Variants in TMCC1 observed in about 807,000 individuals in gnomAD.
TMCC1 encodes the protein transmembrane and coiled-coil domains protein 1.
TMCC1 carries 15 observed loss-of-function variants against 52.4 expected under a neutral mutation model. The observed-to-expected ratio is 0.29, with a 90% CI of 0.19 to 0.44. TMCC1 has a LOEUF of 0.44. Ranked by LOEUF, TMCC1 falls within the 20% of genes least tolerant of loss-of-function variation. TMCC1 has a pLI of 1.00. For synonymous variants in TMCC1, 279 were observed against 301.9 expected (o/e 0.92, Z 0.79); for missense variants, 503 against 806.0 (o/e 0.62, Z 4.55).
At chr3:129,768,283 G>A (rs998575387) in intron 4 of TMCC1, among the ~76,000 whole-genome samples, 4 of 152,148 alleles carry the variant, frequency 2.6e-5, no homozygotes, top group South Asian at 2.1e-4. Flanking sequence ...CCTCACAATC[G>A]AGTATGAAGA....
At chr3:129,864,159 T>C (rs1398501080) in intron 2 of TMCC1, among the ~76,000 whole-genome samples, 2 of 152,190 alleles carry the variant, frequency 1.3e-5, no homozygotes, top group East Asian at 1.9e-4. Flanking sequence ...TCCACATATC[T>C]GTAGAGAGAA....
At chr3:129,759,785 C>G (rs1220894564) in intron 4 of TMCC1, among the ~76,000 whole-genome samples, 5 of 135,296 alleles carry the variant, frequency 3.7e-5, no homozygotes, top group South Asian at 2.4e-4. Flanking sequence ...GCAGTGGCGC[C>G]ATCTCGGCTC....
At chr3:129,870,042 G>A (rs1292319134) in intron 2 of TMCC1, among the ~76,000 whole-genome samples, 1 of 152,150 alleles carries the variant, frequency 6.6e-6, no homozygotes, top group Non-Finnish European at 1.5e-5. Context: ...ATCATGTAGT[G>A]TAAAATTATA....
intron 4 of TMCC1, among the ~76,000 whole-genome samples, chr3:129,722,562 G>T (rs949742927): frequency 1.2e-4 from 19 of 152,054 alleles, no homozygotes; most frequent in Admixed American, 3.9e-4. Context: ...AATGCAATCA[G>T]CAAATAAAAT....
intron 4 of TMCC1, among the ~76,000 whole-genome samples, chr3:129,770,463 A>T (rs934053703): frequency 1.3e-5 from 2 of 152,078 alleles, no homozygotes; most frequent in Non-Finnish European, 2.9e-5. Flanking sequence ...TTGCAGTCCC[A>T]GTTACTCAGG....
chr3:129,841,565 A>T (rs1008129736), intron 2 of TMCC1, among the ~76,000 whole-genome samples: 2 of 152,240 alleles, frequency 1.3e-5, no homozygotes, highest in Admixed American at 6.5e-5. Flanking sequence ...CCTGGGCAAC[A>T]GAGTGAGACT....
rs372802555 is a variant in TMCC1, at chr3:129,827,810, G to A, written c.569C>T (p.Ala190Val). 1.2e-5 allele frequency: 19 copies of A among 1,611,996 alleles called. No individual in the cohort carries two copies. The African/African-American group carries it at 1.3e-4, about 11-fold the overall frequency. ...AAAATCTTACAAACTTACCCGCTCC[G>A]CAGTTCCCTCCTCTCCTGGTAGACA... ...AACLPGEEGTAERIERLEVSS... is the reference protein window; with the variant it reads ...AACLPGEEGTVERIERLEVSS... Residue 190 changes from alanine (A) to valine (V), a missense_variant, in exon 4 of 7, where the codon GCG becomes GTG. Around this residue, in one of 7 missense-constraint regions of TMCC1, gnomAD observed 217 missense variants for 297.9 expected, o/e 0.73. Coordinates refer to ENST00000393238, the MANE Select transcript of TMCC1 (RefSeq NM_001017395.5).
chr3:129,700,868 C>T (rs1162527202), intron 4 of TMCC1, among the ~76,000 whole-genome samples: 2 of 152,190 alleles, frequency 1.3e-5, no homozygotes, highest in African/African-American at 4.8e-5. Context: ...TATACCCTCC[C>T]CCATTATTCG....
At chr3:129,683,259 T>C (rs2089151691) in intron 4 of TMCC1, among the ~76,000 whole-genome samples, 1 of 152,262 alleles carries the variant, frequency 6.6e-6, no homozygotes, top group Non-Finnish European at 1.5e-5. Flanking sequence ...CTTTTTTCCA[T>C]TCTACCTTGT....
Position 129,893,661 on chromosome 3 carries a change from A to ACCGCCG in TMCC1, c.-608_-603dup, listed in dbSNP as rs965602692. On this transcript the variant is annotated 5_prime_UTR_variant, in exon 1 of 7. Coordinates refer to ENST00000393238, the MANE Select transcript of TMCC1 (RefSeq NM_001017395.5). ...AGCCGCCGCCGCCTCAGTCACCGCC[A>ACCGCCG]CCGCCGCCGCCGCCTCAGCCCCGGC... The ACCGCCG allele has an allele frequency of 1.6e-5, 2 of 123,492 alleles. No individual in the cohort carries two copies. Among genetic ancestry groups the ACCGCCG allele is most frequent in the Admixed American group, 7.7e-5 (1 of 13,008 alleles). The allele number at this position is 123,492 out of a possible 1,614,324, so 7.6% of individuals were successfully genotyped here.
chr3:129,827,836 T>TGCAGCAGCAGCA lies in TMCC1; in HGVS notation c.531_542dup (p.Ala178_Ala181dup), dbSNP rs759420997. ...CAGTTCCCTCCTCTCCTGGTAGACA[T>TGCAGCAGCAGCA]GCAGCAGCAGCAGCAGCAGCAGCAC... On this transcript the variant is annotated inframe_insertion, in exon 4 of 7. Transcript: ENST00000393238. 6.3e-7 allele frequency: 1 copy of TGCAGCAGCAGCA among 1,582,110 alleles called. No homozygotes were observed. The highest frequency in any genetic ancestry group is 1.4e-5 in the African/African-American group (1 of 73,560).
At chr3:129,799,325 C>T (rs1003257832) in intron 4 of TMCC1, among the ~76,000 whole-genome samples, 32 of 152,054 alleles carry the variant, frequency 2.1e-4, no homozygotes, top group African/African-American at 7.0e-4. Flanking sequence ...GAAGAAAGGA[C>T]GGTAAGAAGG....
In TMCC1 at chr3:129,854,680, T is replaced by C. The variant is rs191835261; in HGVS notation, c.-183-21854A>G. The stretch of plus-strand genomic sequence containing the variant: ...TATTTCTTCTGTCTGGACAACCATC[T>C]CCCATCTATCCTTTCTTTGCCAAGT... On this transcript the variant is annotated intron_variant, in intron 2 of 6. Transcript: ENST00000393238. 2.7e-4 allele frequency among the ~76,000 whole-genome samples: 41 copies of C among 152,232 alleles called. No individual in the cohort carries two copies. The East Asian group carries it at 7.5e-3, about 28-fold the overall frequency.
chr3:129,651,317 TATTGCA>T lies in TMCC1; in HGVS notation c.*158_*163del, dbSNP rs1553801865. ...TTCTTGGATAAAATCTAAAAAATAC[TATTGCA>T]ATTGCGTCTCTTGAAGAAAAAAACA... On this transcript the variant is annotated 3_prime_UTR_variant, in exon 7 of 7. Transcript: ENST00000393238. This position sits in a 1 kb window ranked among gnomAD's most constrained non-coding sequence, Gnocchi z 5.1. 1 of 780,154 alleles carries T rather than the reference TATTGCA, an allele frequency of 1.3e-6. No homozygotes were observed. The highest frequency in any genetic ancestry group is 2.0e-6 in the Non-Finnish European group (1 of 510,016). The allele number at this position is 780,154 out of a possible 1,614,324, so 48.3% of individuals were successfully genotyped here.
intron 2 of TMCC1, among the ~76,000 whole-genome samples, chr3:129,872,465 G>A (rs879725902): frequency 7.2e-5 from 11 of 152,176 alleles, no homozygotes; most frequent in Admixed American, 7.2e-4. Context: ...AATATGAATT[G>A]TATTTTAACA....
chr3:129,888,489 A>G (rs570317389), intron 1 of TMCC1, among the ~76,000 whole-genome samples: 1 of 152,226 alleles, frequency 6.6e-6, no homozygotes, highest in Non-Finnish European at 1.5e-5. Flanking sequence ...TTGAGAAATG[A>G]CTGATTACAG....
intron 1 of TMCC1, among the ~76,000 whole-genome samples, chr3:129,889,149 C>G (rs970009110): frequency 1.6e-4 from 25 of 151,998 alleles, no homozygotes; most frequent in African/African-American, 5.8e-4. Context: ...GCACACATCT[C>G]TGGGCCCAGC....
At chr3:129,867,094 CCT>C (rs1305125387) in intron 2 of TMCC1, 1 of 151,888 alleles carries the variant, frequency 6.6e-6, no homozygotes, top group African/African-American at 2.4e-5. Flanking sequence ...TCCAATTCAT[CCT>C]ACCTATGAGT....
chr3:129,760,496 T>TGTGTGTGTGTG (rs1560353306), intron 4 of TMCC1, among the ~76,000 whole-genome samples: 33 of 67,142 alleles, frequency 4.9e-4, no homozygotes, highest in African/African-American at 1.2e-3. Context: ...GTGTGTGTGT[T>TGTGTGTGTGTG]TTTGAGACAG....
Sources: allele counts gnomAD v4.1 joint callset (sites outside exome capture counted in the v4.1 genomes callset), GRCh38; gene constraint gnomAD v4.1.1; regional missense constraint gnomAD v4.1.1; non-coding constraint Gnocchi (gnomAD v3.1); transcripts MANE v1.5; gene names NCBI Gene and HGNC (gene_info 2026-07-23, HGNC 2026-07-21).